KCNIP1: variants seen among roughly 807,000 people sequenced by gnomAD.
KCNIP1 encodes potassium voltage-gated channel interacting protein 1.
Under a neutral mutation model 33.0 loss-of-function variants are expected in KCNIP1, and 18 were observed. That is an observed-to-expected ratio of 0.55 (90% CI 0.38 to 0.81). KCNIP1 has a LOEUF of 0.81. KCNIP1 is among the 30% of genes least tolerant of loss of function. KCNIP1 has a pLI of 0.00. For missense variants in KCNIP1, 238 were observed against 271.6 expected (o/e 0.88, Z 0.87); for synonymous variants, 93 against 98.3 (o/e 0.95, Z 0.32).
At chr5:170,585,328 G>A (rs1293157239) in intron 1 of KCNIP1, among the ~76,000 whole-genome samples, 1 of 152,040 alleles carries the variant, frequency 6.6e-6, no homozygotes. Context: ...TTTTGTCCAG[G>A]GTCATCAGTG....
chr5:170,693,560 T>G (rs1007330605), intron 1 of KCNIP1, among the ~76,000 whole-genome samples: 3 of 152,112 alleles, frequency 2.0e-5, no homozygotes, highest in Non-Finnish European at 2.9e-5. Flanking sequence ...CCATTCAAAC[T>G]CCCTGGGTAT....
intron 1 of KCNIP1, among the ~76,000 whole-genome samples, chr5:170,711,535 A>G (rs1007745931): frequency 6.6e-6 from 1 of 152,366 alleles, no homozygotes; most frequent in African/African-American, 2.4e-5. Context: ...AACACAAAGC[A>G]TGAACTCTAA....
chr5:170,470,408 C>T (rs1412209027), intron 1 of KCNIP1, among the ~76,000 whole-genome samples: 1 of 152,076 alleles, frequency 6.6e-6, no homozygotes, highest in Non-Finnish European at 1.5e-5. Flanking sequence ...AAGGGCAGGA[C>T]CTGTCTCTCA....
At position 170,718,896 on chromosome 5, in the gene KCNIP1, A is replaced by C; in HGVS notation, c.186+14A>C. 2 of 1,605,466 alleles carry C rather than the reference A, an allele frequency of 1.2e-6. No homozygotes were observed. Among genetic ancestry groups the C allele is most frequent in the African/African-American group, 1.4e-5 (1 of 74,004 alleles). ...GGCTTCAAAAATGTAAGACCCGTGC[A>C]CGCTCTGAAGGCCTGGGGGGGGTTC... On this transcript the variant is annotated intron_variant, in intron 2 of 7. Transcript: ENST00000328939.
At chr5:170,579,431 A>G (rs1581352097) in intron 1 of KCNIP1, among the ~76,000 whole-genome samples, 1 of 152,196 alleles carries the variant, frequency 6.6e-6, no homozygotes, top group Non-Finnish European at 1.5e-5. Context: ...TTCACCAAGA[A>G]CAGCCACAGG....
At chr5:170,605,587 C>A (rs58737831) in intron 1 of KCNIP1, among the ~76,000 whole-genome samples, 26,286 of 151,990 alleles carry the variant, frequency 0.17, 2,827 homozygotes, top group East Asian at 0.39. Flanking sequence ...ACTCCCCATT[C>A]CCACCTCCCC....
chr5:170,434,404 A>G (rs1300553950), intron 1 of KCNIP1, among the ~76,000 whole-genome samples: 1 of 152,136 alleles, frequency 6.6e-6, no homozygotes, highest in Non-Finnish European at 1.5e-5. Context: ...CTGGAGTGAG[A>G]GGCCTCCTGG....
intron 1 of KCNIP1, among the ~76,000 whole-genome samples, chr5:170,446,228 ACT>A (rs1756112896): frequency 6.6e-6 from 1 of 151,366 alleles, no homozygotes; most frequent in Admixed American, 6.6e-5. Context: ...GACTTGGAAA[ACT>A]CTGCGCCTAG....
At position 170,418,040 on chromosome 5, in the gene KCNIP1, A is replaced by C. The variant is rs191519469; in HGVS notation, c.88+64076A>C. ...ACTCTTTCACTTTCCACCCACTCCA[A>C]ACCTGAAAATCACCTTTCTCCACCC... On this transcript the variant is annotated intron_variant, in intron 1 of 7. Transcript: ENST00000377360. 1.6e-3 allele frequency among the ~76,000 whole-genome samples: 243 copies of C among 152,222 alleles called. 2 individuals are homozygous for C. Among genetic ancestry groups the C allele is most frequent in the African/African-American group, 5.6e-3 (232 of 41,544 alleles).
At chr5:170,725,089 T>C (rs900348041) in intron 5 of KCNIP1, among the ~76,000 whole-genome samples, 1 of 152,156 alleles carries the variant, frequency 6.6e-6, no homozygotes, top group Non-Finnish European at 1.5e-5. Context: ...GGCATAAGGA[T>C]AGACATATAG....
intron 1 of KCNIP1, among the ~76,000 whole-genome samples, chr5:170,651,294 C>A (rs1257650619): frequency 1.3e-5 from 2 of 152,120 alleles, no homozygotes; most frequent in Non-Finnish European, 2.9e-5. Context: ...ATATTAAATC[C>A]ATTTCTTATC....
chr5:170,487,124 C>T lies in KCNIP1; in HGVS notation c.88+133160C>T, dbSNP rs367980959. 1.0e-3 allele frequency among the ~76,000 whole-genome samples: 153 copies of T among 152,210 alleles called. 1 individual carries two copies. Among genetic ancestry groups the T allele is most frequent in the Non-Finnish European group, 6.0e-4 (41 of 68,018 alleles). ...TTGTAGGGGCTGGCAAATTCAAAAT[C>T]GGCAGGGCAAGTAGTCAAGGGAAAT... is the stretch of plus-strand genomic sequence containing the variant. On this transcript the variant is annotated intron_variant, in intron 1 of 7. Coordinates refer to the KCNIP1 transcript ENST00000377360.
Position 170,603,486 on chromosome 5 carries a change from C to T in KCNIP1, c.61+98853C>T, listed in dbSNP as rs567618283. 2.2e-4 allele frequency among the ~76,000 whole-genome samples: 33 copies of T among 152,250 alleles called. No homozygotes were observed. The South Asian group carries it at 2.5e-3, about 11-fold the overall frequency. ...TGGGAGCCAGGGACACAGTGACAAA[C>T]GAGACAGATGCCAACCCCGGATGCA... On this transcript the variant is annotated intron_variant, in intron 1 of 7. Coordinates refer to ENST00000328939, the MANE Select transcript of KCNIP1 (RefSeq NM_014592.4).
At chr5:170,557,901 G>A (rs553135242) in intron 1 of KCNIP1, among the ~76,000 whole-genome samples, 2 of 152,316 alleles carry the variant, frequency 1.3e-5, no homozygotes, top group East Asian at 1.9e-4. Flanking sequence ...CAGGAGACAG[G>A]TAGAGTGCTT....
At chr5:170,400,792 G>A (rs1254673288) in intron 1 of KCNIP1, among the ~76,000 whole-genome samples, 1 of 152,234 alleles carries the variant, frequency 6.6e-6, no homozygotes, top group African/African-American at 2.4e-5. Flanking sequence ...TGTCTGAGCA[G>A]TGTGGTCCAA....
chr5:170,669,348 A>T (rs1317606581), intron 1 of KCNIP1, among the ~76,000 whole-genome samples: 1 of 152,226 alleles, frequency 6.6e-6, no homozygotes, highest in African/African-American at 2.4e-5. Flanking sequence ...ACTTCATGAG[A>T]CTATTTTGAA....
intron 1 of KCNIP1, among the ~76,000 whole-genome samples, chr5:170,484,796 C>T (rs1757048922): frequency 6.6e-6 from 1 of 151,756 alleles, no homozygotes; most frequent in East Asian, 1.9e-4. Context: ...CCTCTCTCTG[C>T]GTTCTGCTTC....
intron 1 of KCNIP1, among the ~76,000 whole-genome samples, chr5:170,601,256 G>A (rs1350690693): frequency 4.6e-5 from 7 of 152,210 alleles, no homozygotes; most frequent in South Asian, 2.1e-4. Context: ...GAGTCACAGC[G>A]GTGTAGAGGA....
At chr5:170,474,114 G>C (rs553911380) in intron 1 of KCNIP1, among the ~76,000 whole-genome samples, 1 of 152,202 alleles carries the variant, frequency 6.6e-6, no homozygotes, top group Non-Finnish European at 1.5e-5. Flanking sequence ...TTTTGTAAAA[G>C]AAATTTACAT....
Sources: gnomAD v4.1 joint callset for allele counts (sites outside exome capture counted in the v4.1 genomes callset) on GRCh38, gnomAD v4.1.1 for gene constraint, MANE v1.5 for transcripts, NCBI Gene and HGNC (gene_info 2026-07-23, HGNC 2026-07-21) for gene names.